Variants in PIEZO2 observed in about 807,000 individuals in gnomAD.
PIEZO2 encodes piezo type mechanosensitive ion channel component 2, also known as piezo-type mechanosensitive ion channel component 2.
Under a neutral mutation model 337.3 loss-of-function variants are expected in PIEZO2, and 172 were observed. That is an observed-to-expected ratio of 0.51 (90% CI 0.45 to 0.58). The LOEUF (loss-of-function observed/expected upper bound fraction) is 0.58, where lower values mean the gene tolerates loss of function less well. Among genes scored for constraint, PIEZO2 ranks in the 20% least tolerant of loss-of-function variants. The probability of loss-of-function intolerance (pLI) is 0.00; values close to 1 mark genes in which losing one functional copy is unlikely to be tolerated. For missense variants in PIEZO2, 3,028 were observed against 3,391.3 expected, an observed-to-expected ratio of 0.89 and a Z score of 2.66; for synonymous variants, 1,251 against 1,228.5, an observed-to-expected ratio of 1.02 and a Z score of -0.38.
chr18:10,737,965 C>A (rs761956670), intron 33 of PIEZO2: 3 of 152,122 alleles, frequency 2.0e-5, no homozygotes, highest in African/African-American at 4.8e-5. Flanking sequence ...TAATTTTGCC[C>A]ACGATTTCAG....
In PIEZO2 at chr18:10,804,142, T is replaced by TA. The variant is rs2039918508; in HGVS notation, c.1081-149dup. 5.9e-6 allele frequency: 6 copies of TA among 1,015,922 alleles called. No homozygotes were observed. The East Asian group carries it at 1.1e-4, about 18-fold the overall frequency. 62.9% of individuals were successfully genotyped at this position (1,015,922 alleles called of 1,614,324 possible). On this transcript the variant is annotated intron_variant, in intron 8 of 55. Transcript: ENST00000674853. ...TATACAGGATTTTATCAAGACACTT[T>TA]AAAAAATGACAAAAATACCACCCTG... is the stretch of plus-strand genomic sequence containing the variant.
At chr18:10,822,575 G>T (rs1476133493) in intron 7 of PIEZO2, among the ~76,000 whole-genome samples, 2 of 152,180 alleles carry the variant, frequency 1.3e-5, no homozygotes, top group Admixed American at 1.3e-4. Context: ...TGGAAAGCAT[G>T]GAGGGAACCA....
chr18:10,884,943 A>G (rs2144880143), intron 4 of PIEZO2, among the ~76,000 whole-genome samples: 1 of 152,058 alleles, frequency 6.6e-6, no homozygotes. Flanking sequence ...CTTCTCATTT[A>G]TTTCCACAAA....
intron 16 of PIEZO2, 89 bp from the exon 17 acceptor site, chr18:10,785,046 A>G (rs2039170447): frequency 1.5e-6 from 2 of 1,353,464 alleles, no homozygotes; most frequent in African/African-American, 2.9e-5. Flanking sequence ...ACAGTCTTAC[A>G]CTCCTGTCAG....
intron 1 of PIEZO2, among the ~76,000 whole-genome samples, chr18:11,120,480 CCTG>C (rs1476954565): frequency 4.6e-5 from 7 of 152,008 alleles, no homozygotes; most frequent in African/African-American, 1.7e-4. Flanking sequence ...TTCTTGAGCA[CCTG>C]CTATTTTACA....
In PIEZO2 at chr18:10,769,249, C is replaced by T. The variant is rs192460600; in HGVS notation, c.2946+899G>A. Among the ~76,000 whole-genome samples the T allele has an allele frequency of 3.3e-4, 51 of 152,304 alleles. 2 individuals are homozygous for T. The highest frequency in any genetic ancestry group is 1.2e-4 in the Non-Finnish European group (8 of 68,028). On this transcript the variant is annotated intron_variant, in intron 21 of 55. Coordinates refer to ENST00000674853, the MANE Select transcript of PIEZO2 (RefSeq NM_001378183.1). Reference sequence around the variant, plus strand: ...ACGCCCAGTGACTTAACATTGGAGCCGCTGCCATTTCCCCACGAATCTCGC... The same window carrying T: ...ACGCCCAGTGACTTAACATTGGAGCTGCTGCCATTTCCCCACGAATCTCGC...
chr18:11,059,042 A>C (rs1313551601), intron 2 of PIEZO2, among the ~76,000 whole-genome samples: 2 of 152,268 alleles, frequency 1.3e-5, no homozygotes, highest in African/African-American at 4.8e-5. Flanking sequence ...AGCCCACCAG[A>C]CTAACAGCTG....
chr18:10,820,403 T>C (rs1196480753), intron 7 of PIEZO2, among the ~76,000 whole-genome samples: 4 of 151,946 alleles, frequency 2.6e-5, no homozygotes, highest in African/African-American at 4.8e-5. Flanking sequence ...GGATTTATCA[T>C]TCTATCCTCA....
intron 47 of PIEZO2, among the ~76,000 whole-genome samples, chr18:10,692,245 T>C (rs943135886): frequency 2.6e-5 from 4 of 152,184 alleles, no homozygotes; most frequent in African/African-American, 7.2e-5. Context: ...AGGACCACTT[T>C]AAACTTTGGA....
chr18:10,820,175 T>C (rs929725808), intron 7 of PIEZO2, among the ~76,000 whole-genome samples: 3 of 152,144 alleles, frequency 2.0e-5, no homozygotes, highest in African/African-American at 7.2e-5. Flanking sequence ...TTTGTTTAGA[T>C]TGGAGTTTGT....
At chr18:10,935,048 A>G (rs966896939) in intron 3 of PIEZO2, among the ~76,000 whole-genome samples, 19 of 152,132 alleles carry the variant, frequency 1.2e-4, no homozygotes, top group Non-Finnish European at 2.5e-4. Context: ...TCTAACCACT[A>G]TGCTACAGGG....
intron 3 of PIEZO2, among the ~76,000 whole-genome samples, chr18:10,944,934 G>A (rs1464518149): frequency 1.3e-5 from 2 of 152,172 alleles, no homozygotes; most frequent in Non-Finnish European, 1.5e-5. Flanking sequence ...CTTGCCGTGA[G>A]ATAATGTCCA....
intron 2 of PIEZO2, among the ~76,000 whole-genome samples, chr18:10,985,504 G>A (rs2034837064): frequency 6.6e-6 from 1 of 151,944 alleles, no homozygotes; most frequent in African/African-American, 2.4e-5. Flanking sequence ...TACATGTATG[G>A]GTTAATTTCT....
chr18:10,839,460 C>T (rs575598857), intron 7 of PIEZO2, among the ~76,000 whole-genome samples: 1 of 152,346 alleles, frequency 6.6e-6, no homozygotes, highest in East Asian at 1.9e-4. Flanking sequence ...TACTACTCAA[C>T]CATGGTAGAA....
chr18:11,113,814 A>C (rs2039807994), intron 1 of PIEZO2, among the ~76,000 whole-genome samples: 1 of 152,214 alleles, frequency 6.6e-6, no homozygotes, highest in South Asian at 2.1e-4. Context: ...ACAAGAAAGA[A>C]AGATCAGAAG....
intron 1 of PIEZO2, among the ~76,000 whole-genome samples, chr18:11,072,100 C>A (rs1429138155): frequency 2.0e-5 from 3 of 152,156 alleles, no homozygotes; most frequent in Non-Finnish European, 4.4e-5. Flanking sequence ...GTCCCTGGTA[C>A]CCCTCAAGCC....
At chr18:10,860,153 G>C (rs2041835877) in intron 5 of PIEZO2, among the ~76,000 whole-genome samples, 1 of 152,148 alleles carries the variant, frequency 6.6e-6, no homozygotes, top group Non-Finnish European at 1.5e-5. Flanking sequence ...GAGTGTTGGA[G>C]AGGGGCTGGA....
chr18:10,767,284 G>A lies in PIEZO2; in HGVS notation c.2946+2864C>T, dbSNP rs190959343. Reference sequence around the variant, plus strand: ...TAAAGGTTTCTCTGTTTCTTTTCCAGCAACTTCTTCTTTTTCAGATGCTTC... The same window carrying A: ...TAAAGGTTTCTCTGTTTCTTTTCCAACAACTTCTTCTTTTTCAGATGCTTC... On this transcript the variant is annotated intron_variant, in intron 21 of 55. Coordinates refer to ENST00000674853, the MANE Select transcript of PIEZO2 (RefSeq NM_001378183.1). This position sits in a 1 kb window ranked among gnomAD's most constrained non-coding sequence, Gnocchi z 4.2. 2.4e-4 allele frequency among the ~76,000 whole-genome samples: 36 copies of A among 152,258 alleles called. No homozygotes were observed. Among genetic ancestry groups the A allele is most frequent in the African/African-American group, 8.4e-4 (35 of 41,544 alleles).
rs1213808021 is a variant in PIEZO2, at chr18:11,069,758, A to G, written c.65-3536T>C. Among the ~76,000 whole-genome samples the G allele has an allele frequency of 6.6e-6, 1 of 152,226 alleles. No homozygotes were observed. The highest frequency in any genetic ancestry group is 1.5e-5 in the Non-Finnish European group (1 of 68,038). ...CAAATTTGTGTTTGCAGATGACATG[A>G]TCTTATATTAAGAAAACCCTAAAGA... On this transcript the variant is annotated intron_variant, in intron 1 of 55. Transcript: ENST00000674853. The surrounding 1 kb of genome is among the most constrained non-coding windows in gnomAD (Gnocchi z 4.9).
Sources: gnomAD v4.1 joint callset for allele counts (sites outside exome capture counted in the v4.1 genomes callset) on GRCh38, gnomAD v4.1.1 for gene constraint, Gnocchi (gnomAD v3.1) non-coding constraint, MANE v1.5 for transcripts, NCBI Gene and HGNC (gene_info 2026-07-23, HGNC 2026-07-21) for gene names.